The following RANBP17 variants were observed in gnomAD, a reference collection of about 807,000 sequenced individuals.
RANBP17 encodes ran-binding protein 17.
A neutral mutation model predicts 141.2 loss-of-function variants in RANBP17; 158 were observed. The observed-to-expected ratio is 1.12, with a 90% CI of 0.98 to 1.28. The LOEUF (loss-of-function observed/expected upper bound fraction) is 1.28. Among genes scored for constraint, RANBP17 ranks in the 50% most tolerant of loss-of-function variants. RANBP17 has a pLI of 0.00. For missense variants in RANBP17, 1,438 were observed against 1,290.7 expected, an observed-to-expected ratio of 1.11 and a Z score of -1.75; for synonymous variants, 430 against 450.0, an observed-to-expected ratio of 0.96 and a Z score of 0.56.
At chr5:171,259,042 T>C (rs1766112033) in intron 24 of RANBP17, among the ~76,000 whole-genome samples, 1 of 152,176 alleles carries the variant, frequency 6.6e-6, no homozygotes, top group Non-Finnish European at 1.5e-5. Flanking sequence ...AATAATTCCC[T>C]TTAAAACTGG....
At chr5:171,170,661 T>C (rs375583043) in intron 15 of RANBP17, among the ~76,000 whole-genome samples, 21 of 152,288 alleles carry the variant, frequency 1.4e-4, no homozygotes, top group East Asian at 1.3e-3. Flanking sequence ...ATTGGACTTA[T>C]AACATTAGCA....
chr5:171,067,811 G>T (rs1397122289), intron 14 of RANBP17, among the ~76,000 whole-genome samples: 2 of 152,024 alleles, frequency 1.3e-5, no homozygotes, highest in Non-Finnish European at 2.9e-5. Flanking sequence ...CTACTTTGAA[G>T]ATTTTCTTTT....
chr5:171,153,243 A>G (rs1437190222), intron 14 of RANBP17, among the ~76,000 whole-genome samples: 1 of 152,182 alleles, frequency 6.6e-6, no homozygotes, highest in Admixed American at 6.5e-5. Flanking sequence ...TGTTAATTAG[A>G]GCAGCATCTT....
Position 170,988,695 on chromosome 5 carries a change from A to G in RANBP17, c.1710+20318A>G, listed in dbSNP as rs142043576. ...TTTTCATAATTAAAATTTTATGTCT[A>G]CAGTTCATTATATATGTATTATACA... On this transcript the variant is annotated intron_variant, in intron 14 of 27. Transcript: ENST00000523189. Among the ~76,000 whole-genome samples the G allele has an allele frequency of 4.0e-3, 604 of 151,924 alleles. 3 individuals are homozygous for G. The highest frequency in any genetic ancestry group is 0.014 in the African/African-American group (579 of 41,534).
intron 14 of RANBP17, among the ~76,000 whole-genome samples, chr5:171,032,610 A>C (rs1181941445): frequency 2.6e-5 from 4 of 152,140 alleles, no homozygotes; most frequent in Non-Finnish European, 5.9e-5. Flanking sequence ...TAACATGTGC[A>C]TGACTTAATA....
At chr5:171,055,880 C>CA (rs72488636) in intron 14 of RANBP17, among the ~76,000 whole-genome samples, 2,456 of 24,626 alleles carry the variant, frequency 0.1, 203 homozygotes, top group African/African-American at 0.16. Flanking sequence ...GTCCTGTTGC[C>CA]AAAAAAAAAA....
At chr5:170,863,019 A>G (rs1345556511) in intron 1 of RANBP17, among the ~76,000 whole-genome samples, 1 of 152,204 alleles carries the variant, frequency 6.6e-6, no homozygotes, top group Non-Finnish European at 1.5e-5. Context: ...TTGAGCCTCC[A>G]TTCTTCCATT....
intron 14 of RANBP17, among the ~76,000 whole-genome samples, chr5:171,132,340 T>G (rs1008762238): frequency 5.3e-5 from 8 of 151,068 alleles, no homozygotes; most frequent in African/African-American, 1.9e-4. Context: ...TGGCTTAAAT[T>G]ATTATTATGG....
chr5:171,055,449 A>G (rs1783278911), intron 14 of RANBP17, among the ~76,000 whole-genome samples: 1 of 152,194 alleles, frequency 6.6e-6, no homozygotes, highest in Admixed American at 6.5e-5. Context: ...TGTTCTCAAA[A>G]TAAGATGTAT....
At chr5:171,277,637 G>GTGTGTATATATACATATA (rs1437482589) in intron 25 of RANBP17, among the ~76,000 whole-genome samples, 1 of 56,904 alleles carries the variant, frequency 1.8e-5, no homozygotes, top group East Asian at 8.7e-4. Flanking sequence ...ATATATGTAT[G>GTGTGTATATATACATATA]TATATATATA....
At chr5:170,999,800 A>G (rs952110265) in intron 14 of RANBP17, among the ~76,000 whole-genome samples, 1 of 152,160 alleles carries the variant, frequency 6.6e-6, no homozygotes, top group Non-Finnish European at 1.5e-5. Context: ...GTTCAGTGAT[A>G]TTAAATACAT....
chr5:171,289,930 TGA>T (rs773019776), intron 25 of RANBP17, among the ~76,000 whole-genome samples: 4 of 152,074 alleles, frequency 2.6e-5, no homozygotes, highest in Admixed American at 6.5e-5. Flanking sequence ...CTTGGGAGGC[TGA>T]GAGAGTAGGA....
At chr5:170,904,078 T>G (rs1770883713) in intron 5 of RANBP17, 1 of 443,708 alleles carries the variant, frequency 2.3e-6, no homozygotes, top group Non-Finnish European at 4.4e-6. Context: ...CTCACCTGTG[T>G]GCTCATGGTT....
chr5:171,206,764 A>G (rs919862861), intron 20 of RANBP17: 1 of 179,078 alleles, frequency 5.6e-6, no homozygotes, highest in African/African-American at 2.4e-5. Flanking sequence ...ATTTTTAAAC[A>G]TTAATTTGAT....
chr5:170,896,014 C>G (rs746496758), intron 4 of RANBP17, 36 bp from the exon 5 acceptor site: 1 of 1,365,970 alleles, frequency 7.3e-7, no homozygotes, highest in Non-Finnish European at 1.0e-6. Context: ...AATCACTTGT[C>G]TCCACTTAGG....
At chr5:170,959,703 G>A (rs1223345461) in intron 13 of RANBP17, among the ~76,000 whole-genome samples, 1 of 152,190 alleles carries the variant, frequency 6.6e-6, no homozygotes, top group South Asian at 2.1e-4. Context: ...TATGTTATAT[G>A]TATTCTATGC....
intron 14 of RANBP17, among the ~76,000 whole-genome samples, chr5:171,070,410 A>G (rs1169396012): frequency 6.6e-6 from 1 of 152,110 alleles, no homozygotes. Context: ...TCTGTATATA[A>G]TCTGAATAAA....
chr5:171,053,225 G>GCACAT (rs1783082847), intron 14 of RANBP17, among the ~76,000 whole-genome samples: 1 of 151,412 alleles, frequency 6.6e-6, no homozygotes. Context: ...TTTATTTTAG[G>GCACAT]TTCAGGTAGT....
At chr5:171,184,452 G>A (rs984800203) in intron 18 of RANBP17, among the ~76,000 whole-genome samples, 3 of 152,192 alleles carry the variant, frequency 2.0e-5, no homozygotes, top group African/African-American at 7.2e-5. Flanking sequence ...GAACTAGAGA[G>A]TAGAATGGTG....
Sources: allele counts gnomAD v4.1 joint callset (sites outside exome capture counted in the v4.1 genomes callset), GRCh38; gene constraint gnomAD v4.1.1; transcripts MANE v1.5; gene names NCBI Gene and HGNC (gene_info 2026-07-23, HGNC 2026-07-21).